PTPN3: variants seen among roughly 807,000 people sequenced by gnomAD.
The protein encoded by PTPN3 is protein tyrosine phosphatase non-receptor type 3.
A neutral mutation model predicts 132.7 loss-of-function variants in PTPN3; 96 were observed. The ratio of observed to expected loss-of-function variants is 0.72; its 90% CI spans 0.61 to 0.86. The LOEUF (loss-of-function observed/expected upper bound fraction) is 0.86, where lower values mean the gene tolerates loss of function less well. Ranked by LOEUF, PTPN3 falls within the 40% of genes least tolerant of loss-of-function variation. The pLI, the probability that PTPN3 is intolerant of heterozygous loss-of-function variation, is 0.00. For missense variants in PTPN3, 1,125 were observed against 1,159.6 expected (o/e 0.97, Z 0.43); for synonymous variants, 398 against 429.0 (o/e 0.93, Z 0.89).
chr9:109,382,751 G>GTT (rs113019092), intron 23 of PTPN3, among the ~76,000 whole-genome samples: 27 of 127,144 alleles, frequency 2.1e-4, no homozygotes, highest in Non-Finnish European at 2.7e-4. Flanking sequence ...CATGCTGACT[G>GTT]TTTTTTTTTT....
chr9:109,415,783 T>C (rs1842444832), intron 14 of PTPN3, among the ~76,000 whole-genome samples: 1 of 152,108 alleles, frequency 6.6e-6, no homozygotes, highest in African/African-American at 2.4e-5. Flanking sequence ...ATGTTTCAAA[T>C]AGGTGCAAAC....
At chr9:109,459,120 G>T (rs575089823) in intron 2 of PTPN3, among the ~76,000 whole-genome samples, 1 of 152,342 alleles carries the variant, frequency 6.6e-6, no homozygotes, top group African/African-American at 2.4e-5. Context: ...TATCTATTCT[G>T]CATAATTCAT....
At chr9:109,448,720 T>C (rs1399914580) in intron 6 of PTPN3, 91 bp downstream of exon 6, 1 of 1,275,012 alleles carries the variant, frequency 7.8e-7, no homozygotes. Context: ...TGTTTAGATT[T>C]GATATTGTTA....
intron 14 of PTPN3, among the ~76,000 whole-genome samples, chr9:109,419,622 A>G (rs914731072): frequency 4.7e-5 from 7 of 149,046 alleles, no homozygotes; most frequent in African/African-American, 1.8e-4. Context: ...TTAAAATAAG[A>G]AAAAAAAGAC....
the PTPN3 span, among the ~76,000 whole-genome samples, chr9:109,537,711 T>A: frequency 6.6e-6 from 1 of 152,248 alleles, no homozygotes; most frequent in Non-Finnish European, 1.5e-5. Context: ...CAATGATCAT[T>A]GCTGACACTT....
At chr9:109,395,800 G>A (rs1292048198) in intron 19 of PTPN3, among the ~76,000 whole-genome samples, 1 of 150,526 alleles carries the variant, frequency 6.6e-6, no homozygotes, top group Non-Finnish European at 1.5e-5. Flanking sequence ...GTGTCTGTCT[G>A]TGTGTGTGTC....
At chr9:109,496,139 C>T (rs528407448) in intron 1 of PTPN3, among the ~76,000 whole-genome samples, 5 of 152,302 alleles carry the variant, frequency 3.3e-5, no homozygotes, top group South Asian at 2.1e-4. Context: ...CCAGAGAAAA[C>T]GCAGGATCAA....
the PTPN3 span, among the ~76,000 whole-genome samples, chr9:109,531,477 G>A: frequency 1.3e-5 from 2 of 152,170 alleles, no homozygotes; most frequent in Non-Finnish European, 2.9e-5. Context: ...GTTGGTTCTT[G>A]CTCAAAATCT....
At chr9:109,410,451 G>T (rs1301115521) in intron 14 of PTPN3, 36 bp from the exon 15 acceptor site, 2 of 1,595,918 alleles carry the variant, frequency 1.3e-6, no homozygotes, top group East Asian at 2.2e-5. Flanking sequence ...TTAATAACTG[G>T]GTTAATATTT....
At chr9:109,448,255 G>A (rs541427800) in intron 6 of PTPN3, among the ~76,000 whole-genome samples, 1 of 152,238 alleles carries the variant, frequency 6.6e-6, no homozygotes, top group South Asian at 2.1e-4. Flanking sequence ...AAGAGACTGG[G>A]AATAAGCTGT....
intron 2 of PTPN3, among the ~76,000 whole-genome samples, chr9:109,461,198 A>G (rs1302689447): frequency 6.6e-6 from 1 of 152,188 alleles, no homozygotes; most frequent in Non-Finnish European, 1.5e-5. Flanking sequence ...AATATTTACA[A>G]CCTTGCCAAC....
At chr9:109,477,546 G>C (rs1177764750) in intron 1 of PTPN3, among the ~76,000 whole-genome samples, 2 of 152,244 alleles carry the variant, frequency 1.3e-5, no homozygotes, top group Non-Finnish European at 2.9e-5. Flanking sequence ...TCAGAATTGA[G>C]GAAATGTAGT....
At position 109,438,218 on chromosome 9, in the gene PTPN3, A is replaced by G. The variant is rs1038258801; in HGVS notation, c.483T>C (p.Tyr161=). ...SYAVQSHFGD[Y]NSSIHHPGYL... Reference sequence around the variant, plus strand: ...AGCCTGGATGATGTATGGAAGAATTATAGTCTCCAAAATGAGCTATCAAGA... The same window carrying G: ...AGCCTGGATGATGTATGGAAGAATTGTAGTCTCCAAAATGAGCTATCAAGA... The change falls in exon 8 of 26, where the codon TAT becomes TAC. Residue 161 remains tyrosine (Y), a synonymous_variant. Transcript: ENST00000374541. The G allele has an allele frequency of 4.3e-6, 7 of 1,612,760 alleles. No individual in the cohort carries two copies. The highest frequency in any genetic ancestry group is 5.9e-6 in the Non-Finnish European group (7 of 1,179,356).
chr9:109,403,246 G>A (rs1421581424), intron 19 of PTPN3, among the ~76,000 whole-genome samples: 1 of 152,084 alleles, frequency 6.6e-6, no homozygotes, highest in Non-Finnish European at 1.5e-5. Flanking sequence ...AAAGCTCTCT[G>A]CTTTGCATTC....
rs146366790 is a variant in PTPN3, at chr9:109,435,414, A to C, written c.675+1469T>G. On this transcript the variant is annotated intron_variant, in intron 9 of 25. Transcript: ENST00000374541. ...GCAGCTTCCTGTTCCCTTGTGACAA[A>C]CATGGAGGTCACATGGAAAGATGGC... Among the ~76,000 whole-genome samples the C allele has an allele frequency of 1.7e-3, 256 of 152,300 alleles. 2 individuals are homozygous for C. Among genetic ancestry groups the C allele is most frequent in the African/African-American group, 5.9e-3 (244 of 41,576 alleles).
chr9:109,383,476 C>T lies in PTPN3; in HGVS notation c.2329G>A (p.Glu777Lys), dbSNP rs570425717. 209 of 1,614,116 alleles carry T rather than the reference C, an allele frequency of 1.3e-4. 3 individuals carry two copies. The South Asian group carries it at 2.0e-3, about 16-fold the overall frequency. ...HGGFHIQCQSEDCTIAYVSRE... is the reference protein window; with the variant it reads ...HGGFHIQCQSKDCTIAYVSRE... ...GACACATAGGCGATGGTGCAGTCCTCTGACTGACACTGGATGTGAAAGCCG... is the reference window on the plus strand; with the variant it reads ...GACACATAGGCGATGGTGCAGTCCTTTGACTGACACTGGATGTGAAAGCCG... The change falls in exon 23 of 26, where the codon GAG becomes AAG. Residue 777 changes from glutamate to lysine, a missense_variant. Glu to Lys is a moderately conservative substitution (Grantham distance 56). Transcript: ENST00000374541.
intron 12 of PTPN3, among the ~76,000 whole-genome samples, chr9:109,423,622 TAC>T (rs1843035001): frequency 6.6e-6 from 1 of 152,150 alleles, no homozygotes; most frequent in Non-Finnish European, 1.5e-5. Context: ...CAAAAAATTA[TAC>T]AGAGTTTCAG....
chr9:109,518,513 A>G, the PTPN3 span, among the ~76,000 whole-genome samples: 50 of 152,254 alleles, frequency 3.3e-4, no homozygotes, highest in Non-Finnish European at 1.0e-4. Context: ...CCTCTAGGTG[A>G]TCTGTGTGGT....
At chr9:109,426,431 G>A (rs1366902951) in intron 12 of PTPN3, among the ~76,000 whole-genome samples, 1 of 152,034 alleles carries the variant, frequency 6.6e-6, no homozygotes, top group Non-Finnish European at 1.5e-5. Context: ...ATATAATTAT[G>A]TGCCCAGCAC....
Sources: gnomAD v4.1 joint callset for allele counts (sites outside exome capture counted in the v4.1 genomes callset) on GRCh38, gnomAD v4.1.1 for gene constraint, MANE v1.5 for transcripts, NCBI Gene and HGNC (gene_info 2026-07-23, HGNC 2026-07-21) for gene names.